TPRG1: variants seen among roughly 807,000 people sequenced by gnomAD.
TPRG1 encodes the protein tumor protein p63 regulated 1, also known as tumor protein p63-regulated gene 1 protein.
In TPRG1, 29 loss-of-function variants were observed where a neutral mutation model predicts 29.3. That is an observed-to-expected ratio of 0.99 (90% confidence interval 0.74 to 1.35). The LOEUF (loss-of-function observed/expected upper bound fraction) is 1.35. Among genes scored for constraint, TPRG1 ranks in the 40% most tolerant of loss-of-function variants. The pLI is 0.00. For synonymous variants in TPRG1, 130 were observed against 116.8 expected (o/e 1.11, Z -0.73); for missense variants, 327 against 335.0 (o/e 0.98, Z 0.19).
At chr3:189,320,524 C>T in intron 5 of TPRG1, 102 bp from the exon 6 acceptor site, 2 of 926,728 alleles carry the variant, frequency 2.2e-6, no homozygotes, top group Non-Finnish European at 3.1e-6. Context: ...AACTGCAGCC[C>T]CAGGAGAGTA....
At chr3:189,293,278 G>A (rs1043164554) in intron 4 of TPRG1, among the ~76,000 whole-genome samples, 1 of 152,140 alleles carries the variant, frequency 6.6e-6, no homozygotes, top group Non-Finnish European at 1.5e-5. Flanking sequence ...TGTTTGGACT[G>A]GAGGCTCTCC....
chr3:189,224,204 C>G (rs1212768249), intron 3 of TPRG1, among the ~76,000 whole-genome samples: 1 of 152,172 alleles, frequency 6.6e-6, no homozygotes, highest in African/African-American at 2.4e-5. Flanking sequence ...CCTGGAAGGC[C>G]AGGCATGGTG....
At chr3:189,184,459 T>C (rs1578710257) in intron 1 of TPRG1, among the ~76,000 whole-genome samples, 1 of 152,242 alleles carries the variant, frequency 6.6e-6, no homozygotes, top group South Asian at 2.1e-4. Flanking sequence ...CAGATAAATA[T>C]AGAAAAAGTC....
chr3:189,312,185 T>TTTCTTTCTTTCTTTCTTTC (rs1560689700), intron 5 of TPRG1, among the ~76,000 whole-genome samples: 1 of 47,376 alleles, frequency 2.1e-5, no homozygotes, highest in Non-Finnish European at 4.0e-5. Context: ...TTCTTTCTTT[T>TTTCTTTCTTTCTTTCTTTC]TTTCTTTCTT....
In TPRG1 at chr3:189,017,506, T is replaced by C. The variant is rs1713011164; in HGVS notation, c.-659-6244T>C. On this transcript the variant is annotated intron_variant, in intron 3 of 10. Coordinates refer to the TPRG1 transcript ENST00000433971. Reference sequence around the variant, plus strand: ...TTGGTTTTTTGTTCTTGTGATAGTTTACTGAGAATGATGATTTCCAGTTTC... The same window carrying C: ...TTGGTTTTTTGTTCTTGTGATAGTTCACTGAGAATGATGATTTCCAGTTTC... 3.3e-5 allele frequency among the ~76,000 whole-genome samples: 5 copies of C among 152,198 alleles called. No individual in the cohort carries two copies. In the South Asian group the frequency reaches 8.3e-4, roughly 25 times the overall value.
At chr3:189,059,946 C>T (rs1412657375) in intron 4 of TPRG1, among the ~76,000 whole-genome samples, 1 of 152,074 alleles carries the variant, frequency 6.6e-6, no homozygotes, top group Non-Finnish European at 1.5e-5. Flanking sequence ...ATGTTAAAAA[C>T]TCTTGGCTGA....
chr3:189,252,208 G>T lies in TPRG1; in HGVS notation c.479+13299G>T, dbSNP rs190992133. Among the ~76,000 whole-genome samples, 69 of 152,276 alleles carry T rather than the reference G, an allele frequency of 4.5e-4. 1 individual carries two copies. The highest frequency in any genetic ancestry group is 7.4e-4 in the Non-Finnish European group (50 of 68,018). On this transcript the variant is annotated intron_variant, in intron 4 of 5. Coordinates refer to ENST00000345063, the MANE Select transcript of TPRG1 (RefSeq NM_198485.4). Reference sequence around the variant, plus strand: ...TGTTTCAGAGAGCACGGGGTTGGGGGTAAGGTTATAGATTAACAGCATCTC... The same window carrying T: ...TGTTTCAGAGAGCACGGGGTTGGGGTTAAGGTTATAGATTAACAGCATCTC...
chr3:189,303,756 T>C (rs1028037688), intron 4 of TPRG1, among the ~76,000 whole-genome samples: 1 of 152,178 alleles, frequency 6.6e-6, no homozygotes, highest in African/African-American at 2.4e-5. Flanking sequence ...CAAACACACA[T>C]ATATTCCAAC....
chr3:189,255,493 T>A (rs1405372702), intron 4 of TPRG1, among the ~76,000 whole-genome samples: 1 of 152,172 alleles, frequency 6.6e-6, no homozygotes, highest in Non-Finnish European at 1.5e-5. Flanking sequence ...TCTTTTTTTC[T>A]TGTGCGTCTA....
chr3:189,315,332 G>T (rs1213866224), intron 5 of TPRG1, among the ~76,000 whole-genome samples: 2 of 151,838 alleles, frequency 1.3e-5, no homozygotes, highest in Non-Finnish European at 2.9e-5. Flanking sequence ...GGGTGAGAAA[G>T]AGAGAGACTG....
chr3:189,052,857 AT>A (rs2152140330), intron 4 of TPRG1, among the ~76,000 whole-genome samples: 1 of 152,322 alleles, frequency 6.6e-6, no homozygotes, highest in African/African-American at 2.4e-5. Context: ...ATTGTATGTT[AT>A]CACTGATATG....
intron 1 of TPRG1, among the ~76,000 whole-genome samples, chr3:189,110,590 C>T (rs1339453259): frequency 1.3e-5 from 2 of 151,876 alleles, no homozygotes; most frequent in African/African-American, 4.8e-5. Context: ...TTTTGATGTC[C>T]TATCTAAGAA....
intron 4 of TPRG1, among the ~76,000 whole-genome samples, chr3:189,285,676 GA>G (rs1302460064): frequency 6.6e-6 from 1 of 152,118 alleles, no homozygotes; most frequent in Non-Finnish European, 1.5e-5. Flanking sequence ...TTCTTTCTCA[GA>G]GTAATTCTTT....
intron 4 of TPRG1, among the ~76,000 whole-genome samples, chr3:189,093,732 G>A (rs1460230225): frequency 6.6e-6 from 1 of 152,132 alleles, no homozygotes; most frequent in African/African-American, 2.4e-5. Context: ...CCAATATTTC[G>A]GGTTCTGGGA....
At chr3:189,118,074 G>A (rs903817728) in intron 1 of TPRG1, among the ~76,000 whole-genome samples, 1 of 152,160 alleles carries the variant, frequency 6.6e-6, no homozygotes, top group African/African-American at 2.4e-5. Flanking sequence ...CAGAAGACAG[G>A]GAGATATGGG....
At chr3:189,031,349 A>G (rs1713925748) in intron 4 of TPRG1, among the ~76,000 whole-genome samples, 1 of 152,206 alleles carries the variant, frequency 6.6e-6, no homozygotes, top group Non-Finnish European at 1.5e-5. Context: ...TGAAAAGCGA[A>G]CAAGGCAATT....
Position 189,141,350 on chromosome 3 carries a change from A to T in TPRG1, c.-290-6234A>T, listed in dbSNP as rs563542668. On this transcript the variant is annotated intron_variant, in intron 3 of 6. Coordinates refer to the TPRG1 transcript ENST00000412373. ...GGAGGTCAGGGGAAAATGGAGGGGA[A>T]GACATTCTAGCCATTCATTCATTCA... is the stretch of plus-strand genomic sequence containing the variant. 2.1e-3 allele frequency among the ~76,000 whole-genome samples: 311 copies of T among 149,590 alleles called. 1 individual carries two copies. Among genetic ancestry groups the T allele is most frequent in the Non-Finnish European group, 4.0e-3 (271 of 67,182 alleles).
chr3:189,265,594 G>T (rs1055453273), intron 4 of TPRG1, among the ~76,000 whole-genome samples: 1 of 152,176 alleles, frequency 6.6e-6, no homozygotes, highest in South Asian at 2.1e-4. Context: ...AGCTCAGGCT[G>T]CCTTGAATCT....
At chr3:189,214,416 A>G (rs1432720943) in intron 2 of TPRG1, among the ~76,000 whole-genome samples, 1 of 152,228 alleles carries the variant, frequency 6.6e-6, no homozygotes, top group Non-Finnish European at 1.5e-5. Flanking sequence ...ACTGCATCAC[A>G]AAGAGTGGAG....
Sources: gnomAD v4.1 joint callset for allele counts (sites outside exome capture counted in the v4.1 genomes callset) on GRCh38, gnomAD v4.1.1 for gene constraint, MANE v1.5 for transcripts, NCBI Gene and HGNC (gene_info 2026-07-23, HGNC 2026-07-21) for gene names.